Variants in NKAIN2 observed in about 807,000 individuals in gnomAD.
The protein encoded by NKAIN2 is sodium/potassium-transporting ATPase subunit beta-1-interacting protein 2.
Under a neutral mutation model 32.6 loss-of-function variants are expected in NKAIN2, and 14 were observed. That is an observed-to-expected ratio of 0.43 (90% confidence interval 0.28 to 0.67). The LOEUF is 0.67. NKAIN2 is among the 30% of genes least tolerant of loss of function. The pLI, the probability that NKAIN2 is intolerant of heterozygous loss-of-function variation, is 0.17. For missense variants in NKAIN2, 198 were observed against 258.3 expected (o/e 0.77, Z 1.60); for synonymous variants, 80 against 87.2 (o/e 0.92, Z 0.46).
intron 1 of NKAIN2, among the ~76,000 whole-genome samples, chr6:123,938,379 G>C (rs1364696002): frequency 7.9e-6 from 1 of 125,858 alleles, no homozygotes; most frequent in Non-Finnish European, 1.6e-5. Context: ...CGTGAAACCA[G>C]AACTCATTTG....
intron 3 of NKAIN2, among the ~76,000 whole-genome samples, chr6:124,412,793 A>G (rs1221026110): frequency 1.3e-5 from 2 of 152,184 alleles, no homozygotes; most frequent in Non-Finnish European, 2.9e-5. Flanking sequence ...CTAGGCAGGC[A>G]GGCCTCCTTG....
At chr6:124,610,256 A>T (rs1375151411) in intron 3 of NKAIN2, among the ~76,000 whole-genome samples, 1 of 152,216 alleles carries the variant, frequency 6.6e-6, no homozygotes, top group Non-Finnish European at 1.5e-5. Flanking sequence ...CACAAACAAG[A>T]TCACATTATT....
At chr6:124,506,899 T>C (rs1292428812) in intron 3 of NKAIN2, among the ~76,000 whole-genome samples, 1 of 152,144 alleles carries the variant, frequency 6.6e-6, no homozygotes, top group East Asian at 1.9e-4. Context: ...TGTGTAGATA[T>C]CACCTGGAAG....
intron 4 of NKAIN2, among the ~76,000 whole-genome samples, chr6:124,734,504 C>A (rs573287270): frequency 6.6e-6 from 1 of 151,844 alleles, no homozygotes; most frequent in Non-Finnish European, 1.5e-5. Flanking sequence ...AATTTGATCC[C>A]AGATTACCTT....
rs146836176 is a variant in NKAIN2 at position 123,841,460 on chromosome 6, A to G, written c.54+37206A>G. 2.1e-3 allele frequency among the ~76,000 whole-genome samples: 320 copies of G among 152,348 alleles called. 5 individuals carry two copies. The highest frequency in any genetic ancestry group is 7.5e-3 in the African/African-American group (311 of 41,588). On this transcript the variant is annotated intron_variant, in intron 1 of 6. Transcript: ENST00000368417. ...GACTTGCTTTATAACACTATATATT[A>G]CAGTCCCTTTGAAAAGTAAGCAGAC...
intron 1 of NKAIN2, among the ~76,000 whole-genome samples, chr6:123,952,026 A>G (rs533422003): frequency 5.9e-5 from 9 of 151,926 alleles, no homozygotes; most frequent in African/African-American, 1.9e-4. Flanking sequence ...ATGATGGTAC[A>G]TATCATTCTT....
chr6:124,648,829 A>C (rs1223136270), intron 3 of NKAIN2, among the ~76,000 whole-genome samples: 1 of 152,240 alleles, frequency 6.6e-6, no homozygotes, highest in Admixed American at 6.5e-5. Flanking sequence ...GAAATCAAAA[A>C]AACAAAGATA....
At chr6:124,551,965 G>A (rs1184182928) in intron 3 of NKAIN2, among the ~76,000 whole-genome samples, 1 of 152,172 alleles carries the variant, frequency 6.6e-6, no homozygotes, top group African/African-American at 2.4e-5. Context: ...AGTGGTTAAT[G>A]AAGTTGGTTT....
intron 3 of NKAIN2, among the ~76,000 whole-genome samples, chr6:124,464,240 A>C (rs1776650706): frequency 6.6e-6 from 1 of 152,044 alleles, no homozygotes; most frequent in Non-Finnish European, 1.5e-5. Context: ...TGCCTGCTTC[A>C]GTCTCCCGAA....
rs369636047 is a variant in NKAIN2 at position 124,418,046 on chromosome 6, A to G, written c.273+62699A>G. ...CTTATTATGACCCAGGTTTGCATAT[A>G]CAATAATATAAAAGTTCAGCAGCTT... On this transcript the variant is annotated intron_variant, in intron 3 of 6. Coordinates refer to ENST00000368417, the MANE Select transcript of NKAIN2 (RefSeq NM_001040214.3). Among the ~76,000 whole-genome samples, 7 of 152,276 alleles carry G rather than the reference A, an allele frequency of 4.6e-5. No homozygotes were observed. The East Asian group carries it at 1.4e-3, about 29-fold the overall frequency.
chr6:124,087,236 A>G (rs1166495908), intron 1 of NKAIN2, among the ~76,000 whole-genome samples: 1 of 151,976 alleles, frequency 6.6e-6, no homozygotes, highest in East Asian at 1.9e-4. Context: ...CATCCATAAT[A>G]AAACTCTCAG....
At chr6:124,278,337 A>T (rs1795133041) in intron 1 of NKAIN2, among the ~76,000 whole-genome samples, 1 of 152,040 alleles carries the variant, frequency 6.6e-6, no homozygotes, top group Admixed American at 6.6e-5. Context: ...TCTCATGTGT[A>T]AATTGAGGAG....
chr6:124,786,801 T>A (rs1328856498), intron 4 of NKAIN2, among the ~76,000 whole-genome samples: 1 of 152,120 alleles, frequency 6.6e-6, no homozygotes, highest in African/African-American at 2.4e-5. Context: ...ATGCCACAGG[T>A]CCCTTCCATT....
intron 4 of NKAIN2, among the ~76,000 whole-genome samples, chr6:124,708,565 G>C (rs1306962202): frequency 6.6e-6 from 1 of 151,778 alleles, no homozygotes; most frequent in Admixed American, 6.6e-5. Context: ...CACATCCCTT[G>C]TAAGTTGGAT....
intron 1 of NKAIN2, among the ~76,000 whole-genome samples, chr6:124,192,741 G>GTTTTTT (rs1205303294): frequency 3.9e-5 from 3 of 77,186 alleles, no homozygotes; most frequent in African/African-American, 5.6e-5. Flanking sequence ...AGTTCCATCC[G>GTTTTTT]TTTTTTTTTT....
chr6:124,758,802 A>G (rs1251310774), intron 4 of NKAIN2, among the ~76,000 whole-genome samples: 1 of 152,138 alleles, frequency 6.6e-6, no homozygotes, highest in African/African-American at 2.4e-5. Context: ...CTTGTACAAT[A>G]TAGCTCCAAC....
chr6:124,020,440 G>C (rs1780811959), intron 1 of NKAIN2, among the ~76,000 whole-genome samples: 1 of 152,012 alleles, frequency 6.6e-6, no homozygotes, highest in Non-Finnish European at 1.5e-5. Flanking sequence ...TCTAACTTCT[G>C]TGTTTGTACC....
At chr6:124,214,824 C>G (rs944211080) in intron 1 of NKAIN2, among the ~76,000 whole-genome samples, 1 of 152,098 alleles carries the variant, frequency 6.6e-6, no homozygotes, top group Non-Finnish European at 1.5e-5. Context: ...CTTATCTTTT[C>G]CCCATCTGAG....
chr6:124,816,248 A>G (rs1781158288), intron 5 of NKAIN2, among the ~76,000 whole-genome samples: 1 of 152,202 alleles, frequency 6.6e-6, no homozygotes, highest in African/African-American at 2.4e-5. Context: ...TTATAAAGAC[A>G]GTAAAAAGAT....
Sources: allele counts gnomAD v4.1 joint callset (sites outside exome capture counted in the v4.1 genomes callset), GRCh38; gene constraint gnomAD v4.1.1; transcripts MANE v1.5; gene names NCBI Gene and HGNC (gene_info 2026-07-23, HGNC 2026-07-21).